CCDC191: variants seen among roughly 807,000 people sequenced by gnomAD.
CCDC191 encodes coiled-coil domain-containing protein 191.
Under a neutral mutation model 114.0 loss-of-function variants are expected in CCDC191, and 99 were observed. The ratio of observed to expected loss-of-function variants is 0.87; its 90% CI spans 0.74 to 1.03. The LOEUF is 1.03. Among genes scored for constraint, CCDC191 ranks in the 50% least tolerant of loss-of-function variants. CCDC191 has a pLI of 0.00. For synonymous variants in CCDC191, 351 were observed against 376.0 expected, an observed-to-expected ratio of 0.93 and a Z score of 0.77; for missense variants, 973 against 1,087.0, an observed-to-expected ratio of 0.90 and a Z score of 1.47.
chr3:113,968,276 C>T (rs1217199351), intron 16 of CCDC191, among the ~76,000 whole-genome samples: 1 of 152,186 alleles, frequency 6.6e-6, no homozygotes, highest in African/African-American at 2.4e-5. Flanking sequence ...TTCCCTTTCT[C>T]CATATCCTCA....
Position 114,005,818 on chromosome 3 carries a change from G to C in CCDC191, c.1558C>G (p.His520Asp), listed in dbSNP as rs1559902124. The change falls in exon 10 of 17, where the codon CAC (histidine) becomes GAC (aspartate). Residue 520 changes from histidine to aspartate, a missense_variant. His to Asp is a moderately conservative substitution (Grantham distance 81, BLOSUM62 -1). Transcript: ENST00000295878. ...GAGGGTTCAGCACCCAGGGTCTTGTGCTGCTTATTGCCAGGTGCACTCAGA... is the reference window on the plus strand; with the variant it reads ...GAGGGTTCAGCACCCAGGGTCTTGTCCTGCTTATTGCCAGGTGCACTCAGA... Reference protein sequence around the residue: ...VSLSAPGNKQHKTLGAEPSQQ... With the variant: ...VSLSAPGNKQDKTLGAEPSQQ... 1.2e-6 allele frequency: 2 copies of C among 1,614,040 alleles called. No individual in the cohort carries two copies. The highest frequency in any genetic ancestry group is 1.7e-6 in the Non-Finnish European group (2 of 1,179,982).
intron 7 of CCDC191, among the ~76,000 whole-genome samples, chr3:114,028,969 T>C (rs887613634): frequency 1.3e-5 from 2 of 151,054 alleles, no homozygotes; most frequent in African/African-American, 2.4e-5. Context: ...TCTATGTATA[T>C]ATCTATATAT....
At chr3:113,965,977 C>T (rs1940116954) in intron 16 of CCDC191, among the ~76,000 whole-genome samples, 1 of 151,876 alleles carries the variant, frequency 6.6e-6, no homozygotes, top group African/African-American at 2.4e-5. Context: ...TCCAGTAACC[C>T]AAGCTACGAG....
chr3:114,016,766 T>C (rs1298758664), intron 8 of CCDC191, among the ~76,000 whole-genome samples: 1 of 152,210 alleles, frequency 6.6e-6, no homozygotes, highest in African/African-American at 2.4e-5. Context: ...TTCCAGATTC[T>C]CCTTATACAA....
intron 3 of CCDC191, among the ~76,000 whole-genome samples, chr3:114,045,296 A>G (rs2076614194): frequency 6.6e-6 from 1 of 152,056 alleles, no homozygotes; most frequent in African/African-American, 2.4e-5. Flanking sequence ...CACCCAGACC[A>G]CCACCAACAG....
intron 8 of CCDC191, among the ~76,000 whole-genome samples, chr3:114,016,743 G>A (rs1577422606): frequency 6.6e-6 from 1 of 152,058 alleles, no homozygotes; most frequent in South Asian, 2.1e-4. Context: ...TAATTGGAAC[G>A]GAATCTTAAA....
intron 16 of CCDC191, among the ~76,000 whole-genome samples, chr3:113,966,439 G>T (rs1344736731): frequency 6.6e-6 from 1 of 152,160 alleles, no homozygotes; most frequent in Non-Finnish European, 1.5e-5. Flanking sequence ...CAGTGGGAAG[G>T]TACAGCAGTG....
At chr3:113,980,856 AAG>A in intron 13 of CCDC191, 63 bp from the exon 14 acceptor site, 4 of 1,450,952 alleles carry the variant, frequency 2.8e-6, no homozygotes, top group Non-Finnish European at 3.8e-6. Flanking sequence ...TTTCAATGAA[AAG>A]CTAATGAATT....
At chr3:114,007,349 A>G (rs186659981) in intron 9 of CCDC191, among the ~76,000 whole-genome samples, 2 of 152,338 alleles carry the variant, frequency 1.3e-5, no homozygotes, top group African/African-American at 2.4e-5. Flanking sequence ...TAGGGACTCA[A>G]AAATATTTTT....
chr3:114,053,906 T>C (rs984775043), intron 1 of CCDC191, among the ~76,000 whole-genome samples: 2 of 152,104 alleles, frequency 1.3e-5, no homozygotes, highest in African/African-American at 4.8e-5. Flanking sequence ...GATAGGACCC[T>C]GGCACTGCTA....
chr3:114,051,705 C>T (rs2076700075), intron 2 of CCDC191, among the ~76,000 whole-genome samples: 1 of 152,138 alleles, frequency 6.6e-6, no homozygotes, highest in African/African-American at 2.4e-5. Context: ...ATATATTCTC[C>T]CCTTCTTTCA....
In CCDC191 at chr3:114,003,981, G is replaced by A. The variant is rs140432214; in HGVS notation, c.1978+656C>T. 117 of 985,374 alleles carry A rather than the reference G, an allele frequency of 1.2e-4. 1 individual carries two copies. The African/African-American group carries it at 1.9e-3, about 16-fold the overall frequency. The allele number at this position is 985,374 out of a possible 1,614,324, so 61.0% of individuals were successfully genotyped here. A position where few individuals can be genotyped will look rare whatever the true frequency, so the allele number is the denominator to read the frequency against. On this transcript the variant is annotated intron_variant, in intron 11 of 16. Transcript: ENST00000295878. ...TTCGTATAGTTTAGTTTAAATAAGG[G>A]TTTCTGGCCAGGTGCAGTGGTTCAT...
chr3:114,029,879 CG>C (rs752700210), intron 7 of CCDC191, among the ~76,000 whole-genome samples: 2 of 151,918 alleles, frequency 1.3e-5, no homozygotes, highest in African/African-American at 4.8e-5. Flanking sequence ...ATAAAAGACA[CG>C]GAAAGACTAA....
At chr3:113,972,910 A>G (rs1445723562) in intron 16 of CCDC191, among the ~76,000 whole-genome samples, 6 of 151,986 alleles carry the variant, frequency 3.9e-5, no homozygotes, top group African/African-American at 1.4e-4. Context: ...CTTGCTTGGA[A>G]TGTCTTTTTC....
chr3:114,040,813 T>C (rs1181443296), intron 4 of CCDC191, among the ~76,000 whole-genome samples: 1 of 152,186 alleles, frequency 6.6e-6, no homozygotes, highest in Non-Finnish European at 1.5e-5. Context: ...CTTATCATTT[T>C]GGTATTTGTT....
At position 114,035,163 on chromosome 3, in the gene CCDC191, A is replaced by G; in HGVS notation, c.595-15T>C. On this transcript the variant is annotated splice_polypyrimidine_tract_variant and intron_variant, in intron 5 of 16. Coordinates refer to ENST00000295878, the MANE Select transcript of CCDC191 (RefSeq NM_020817.2). Reference sequence around the variant, plus strand: ...TTTTCTTTTACCTTAAAGCAAATATAATAAAGATGAAGTGTGGCCTTTCAA... The same window carrying G: ...TTTTCTTTTACCTTAAAGCAAATATGATAAAGATGAAGTGTGGCCTTTCAA... 6.3e-7 allele frequency: 1 copy of G among 1,582,334 alleles called. No homozygotes were observed. Among genetic ancestry groups the G allele is most frequent in the Non-Finnish European group, 8.7e-7 (1 of 1,154,062 alleles).
intron 13 of CCDC191, among the ~76,000 whole-genome samples, chr3:113,983,268 A>G (rs1029214551): frequency 6.6e-6 from 1 of 152,128 alleles, no homozygotes; most frequent in Non-Finnish European, 1.5e-5. Flanking sequence ...CTAAATAGCT[A>G]TTTATAGTCC....
intron 7 of CCDC191, among the ~76,000 whole-genome samples, chr3:114,024,152 A>T (rs997567027): frequency 9.2e-5 from 14 of 152,250 alleles, no homozygotes; most frequent in African/African-American, 3.4e-4. Flanking sequence ...ACAATGAAGT[A>T]CCATCTCACA....
chr3:114,004,836 C>T (rs912009075), intron 10 of CCDC191, 90 bp from the exon 11 acceptor site: 4 of 1,343,660 alleles, frequency 3.0e-6, no homozygotes, highest in Non-Finnish European at 4.0e-6. Flanking sequence ...CTTTTACAGA[C>T]CTTAATGAAT....
Sources: allele counts gnomAD v4.1 joint callset (sites outside exome capture counted in the v4.1 genomes callset), GRCh38; gene constraint gnomAD v4.1.1; transcripts MANE v1.5; gene names NCBI Gene and HGNC (gene_info 2026-07-23, HGNC 2026-07-21).